HNRNPF: variants seen among roughly 807,000 people sequenced by gnomAD.
The protein encoded by HNRNPF is HnRNP F protein.
Under a neutral mutation model 26.0 loss-of-function variants are expected in HNRNPF, and 2 were observed. The ratio of observed to expected loss-of-function variants is 0.08; its 90% CI spans 0.03 to 0.24. The LOEUF (loss-of-function observed/expected upper bound fraction) is 0.24, where lower values mean the gene tolerates loss of function less well. Among genes scored for constraint, HNRNPF ranks in the 10% least tolerant of loss-of-function variants. The pLI is 1.00. For synonymous variants in HNRNPF, 234 were observed against 211.5 expected (o/e 1.11, Z -0.92); for missense variants, 299 against 539.2 (o/e 0.55, Z 4.41).
At chr10:43,399,985 C>T (rs1838702394) in intron 1 of HNRNPF, among the ~76,000 whole-genome samples, 1 of 152,196 alleles carries the variant, frequency 6.6e-6, no homozygotes, top group Admixed American at 6.5e-5. Flanking sequence ...TGAGTGGGAA[C>T]ACTGAGTGAT....
chr10:43,396,911 G>GAGGGGAGGGGGCCC (rs1838556523), intron 1 of HNRNPF: 1 of 147,778 alleles, frequency 6.8e-6, no homozygotes, highest in Non-Finnish European at 1.5e-5. Flanking sequence ...GAGGGGAGGG[G>GAGGGGAGGGGGCCC]AGGGGAGGGG....
chr10:43,389,839 AAG>A (rs771418753), intron 3 of HNRNPF, among the ~76,000 whole-genome samples: 17 of 152,204 alleles, frequency 1.1e-4, no homozygotes, highest in Admixed American at 1.3e-4. Context: ...AGCCTCTGGG[AAG>A]AGAGTCAAGG....
At chr10:43,391,128 C>A (rs1189494979) in intron 3 of HNRNPF, among the ~76,000 whole-genome samples, 2 of 151,992 alleles carry the variant, frequency 1.3e-5, no homozygotes, top group Non-Finnish European at 2.9e-5. Flanking sequence ...TCTGTCTCGA[C>A]TAAAAATACA....
Position 43,393,596 on chromosome 10 carries a change from CAAAAAA to C in HNRNPF, c.-53+1028_-53+1033del, listed in dbSNP as rs60717059. On this transcript the variant is annotated intron_variant, in intron 3 of 3. Transcript: ENST00000682386. Reference sequence around the variant, plus strand: ...AGGCAACAGGAGCAAAACTCCATCTCAAAAAAAAAAAAAAGTTTTCCAAGCACAGTG... The same window carrying C: ...AGGCAACAGGAGCAAAACTCCATCTCAAAAAAAAGTTTTCCAAGCACAGTG... 5.0e-5 allele frequency among the ~76,000 whole-genome samples: 7 copies of C among 141,044 alleles called. No individual in the cohort carries two copies. The South Asian group carries it at 1.6e-3, about 32-fold the overall frequency. The allele number at this position is 141,044 out of a possible 152,430, so 92.5% of individuals were successfully genotyped here.
chr10:43,391,017 G>C (rs1299467386), intron 3 of HNRNPF, among the ~76,000 whole-genome samples: 1 of 152,128 alleles, frequency 6.6e-6, no homozygotes, highest in East Asian at 1.9e-4. Context: ...GTAGAAATCA[G>C]GGTGAGGCCA....
intron 3 of HNRNPF, among the ~76,000 whole-genome samples, chr10:43,394,043 G>C (rs985913942): frequency 1.3e-5 from 2 of 152,152 alleles, no homozygotes; most frequent in African/African-American, 4.8e-5. Context: ...TGTTGTTAAA[G>C]GGGTCTTAAA....
intron 1 of HNRNPF, among the ~76,000 whole-genome samples, chr10:43,406,876 C>T (rs146455052): frequency 5.6e-4 from 85 of 152,188 alleles, no homozygotes; most frequent in African/African-American, 2.0e-3. Context: ...GATCTTCTTG[C>T]TTAGGAATAA....
At chr10:43,407,332 G>A (rs1277931523) in intron 1 of HNRNPF, among the ~76,000 whole-genome samples, 1 of 152,018 alleles carries the variant, frequency 6.6e-6, no homozygotes, top group African/African-American at 2.4e-5. Context: ...GAGCAGTTTC[G>A]AGAACTAAAG....
At chr10:43,388,080 CATT>C (rs1838102170) in intron 3 of HNRNPF, 144 bp from the exon 4 acceptor site, 1 of 556,752 alleles carries the variant, frequency 1.8e-6, no homozygotes, top group Non-Finnish European at 3.2e-6. Flanking sequence ...CAAAAAATTA[CATT>C]ATCAGTCACA....
chr10:43,407,595 C>G (rs1295070547), intron 1 of HNRNPF: 1 of 152,212 alleles, frequency 6.6e-6, no homozygotes, highest in Non-Finnish European at 1.5e-5. Context: ...CACAAGTTTC[C>G]TACGAGCAGG....
At position 43,387,980 on chromosome 10, in the gene HNRNPF, A is replaced by T; in HGVS notation, c.-52-44T>A. On this transcript the variant is annotated intron_variant, in intron 3 of 3. Coordinates refer to ENST00000682386, the MANE Select transcript of HNRNPF (RefSeq NM_001098204.2). The surrounding 1 kb of genome is among the most constrained non-coding windows in gnomAD (Gnocchi z 6.0). ...AAAATTTATTTAGTATGCAACAGAA[A>T]TTTTCCCCATTTTACAGACGAGAGA... 9.8e-7 allele frequency: 1 copy of T among 1,024,936 alleles called. No homozygotes were observed. The highest frequency in any genetic ancestry group is 1.4e-6 in the Non-Finnish European group (1 of 709,720). 63.5% of individuals were successfully genotyped at this position (1,024,936 alleles called of 1,614,324 possible).
At chr10:43,408,773 G>C (rs540970277) in intron 1 of HNRNPF, 1 of 152,364 alleles carries the variant, frequency 6.6e-6, no homozygotes, top group East Asian at 1.9e-4. Context: ...CAGGCACCCC[G>C]GTGGTCCCTT....
intron 1 of HNRNPF, chr10:43,396,956 AGCGAGG>A (rs1366015274): frequency 7.2e-6 from 1 of 138,224 alleles, no homozygotes; most frequent in African/African-American, 2.8e-5. Flanking sequence ...TGAGGGCGAG[AGCGAGG>A]GCGACGGCAA....
chr10:43,392,552 A>G (rs1316613729), intron 3 of HNRNPF, among the ~76,000 whole-genome samples: 1 of 152,120 alleles, frequency 6.6e-6, no homozygotes. Context: ...AAACAAACAA[A>G]AAAACTGCAT....
At position 43,386,916 on chromosome 10, in the gene HNRNPF, T is replaced by G. The variant is rs1588985564; in HGVS notation, c.969A>C (p.Pro323=). 6.2e-7 allele frequency: 1 copy of G among 1,614,102 alleles called. No homozygotes were observed. The highest frequency in any genetic ancestry group is 1.3e-5 in the African/African-American group (1 of 74,942). The change falls in exon 4 of 4, where the codon CCA becomes CCC. Residue 323 remains proline, a synonymous_variant. Transcript: ENST00000682386. ...CTGCTTCACCCGTCACTCTTCCATCTGGGCCAATCTCAATATGGACTCTCA... is the reference window on the plus strand; with the variant it reads ...CTGCTTCACCCGTCACTCTTCCATCGGGGCCAATCTCAATATGGACTCTCA... The part of the protein sequence containing the change: ...NPVRVHIEIG[P]DGRVTGEADV...
intron 1 of HNRNPF, among the ~76,000 whole-genome samples, chr10:43,401,476 T>A (rs571908043): frequency 6.6e-6 from 1 of 152,320 alleles, no homozygotes; most frequent in African/African-American, 2.4e-5. Context: ...TCATGATATC[T>A]AAGGTAAATG....
intron 1 of HNRNPF, among the ~76,000 whole-genome samples, chr10:43,404,446 A>C (rs1838849321): frequency 6.6e-6 from 1 of 152,218 alleles, no homozygotes. Flanking sequence ...GGATCTACAT[A>C]ATGATCATTA....
intron 1 of HNRNPF, among the ~76,000 whole-genome samples, chr10:43,404,401 A>T (rs1472684437): frequency 1.3e-5 from 2 of 152,200 alleles, no homozygotes; most frequent in Non-Finnish European, 2.9e-5. Context: ...GATTATTAAA[A>T]TATCACTAAT....
chr10:43,399,454 A>C (rs1262488214), intron 1 of HNRNPF, among the ~76,000 whole-genome samples: 1 of 152,176 alleles, frequency 6.6e-6, no homozygotes, highest in Non-Finnish European at 1.5e-5. Context: ...TGTGCAGAAG[A>C]CTTGAGCCAG....
Sources: allele counts gnomAD v4.1 joint callset (sites outside exome capture counted in the v4.1 genomes callset), GRCh38; gene constraint gnomAD v4.1.1; non-coding constraint Gnocchi (gnomAD v3.1); transcripts MANE v1.5; gene names NCBI Gene and HGNC (gene_info 2026-07-23, HGNC 2026-07-21).